FAT3: variants seen among roughly 807,000 people sequenced by gnomAD.
FAT3 encodes FAT atypical cadherin 3, also known as protocadherin Fat 3.
Under a neutral mutation model 310.2 loss-of-function variants are expected in FAT3, and 95 were observed. The observed-to-expected ratio is 0.31, with a 90% CI of 0.26 to 0.36. The LOEUF is 0.36. Among genes scored for constraint, FAT3 ranks in the 10% least tolerant of loss-of-function variants. FAT3 has a pLI of 1.00. For missense variants in FAT3, 5,408 were observed against 5,715.6 expected (o/e 0.95, Z 1.74); for synonymous variants, 2,314 against 2,192.9 (o/e 1.06, Z -1.54).
intron 1 of FAT3, among the ~76,000 whole-genome samples, chr11:92,349,561 T>C (rs1288723320): frequency 3.3e-5 from 5 of 152,174 alleles, no homozygotes; most frequent in Admixed American, 2.6e-4. Flanking sequence ...ACCCCAAATG[T>C]ATCATTTTCT....
chr11:92,257,337 A>C (rs1865356838), intron 1 of FAT3, among the ~76,000 whole-genome samples: 1 of 152,122 alleles, frequency 6.6e-6, no homozygotes, highest in Admixed American at 6.6e-5. Context: ...AAAGCTTTGC[A>C]GTGGTACCAG....
At chr11:92,360,916 C>G (rs1948864707) in intron 2 of FAT3, among the ~76,000 whole-genome samples, 1 of 152,186 alleles carries the variant, frequency 6.6e-6, no homozygotes, top group Non-Finnish European at 1.5e-5. Flanking sequence ...GTAATGGACT[C>G]AAAATTTCAT....
intron 3 of FAT3, among the ~76,000 whole-genome samples, chr11:92,595,890 G>T (rs972535441): frequency 5.9e-5 from 9 of 152,160 alleles, no homozygotes; most frequent in African/African-American, 2.2e-4. Flanking sequence ...GTGCTGTCAT[G>T]CTTGGGATCC....
chr11:92,854,699 G>A (rs1591817999), intron 19 of FAT3, among the ~76,000 whole-genome samples: 1 of 152,236 alleles, frequency 6.6e-6, no homozygotes, highest in East Asian at 1.9e-4. Flanking sequence ...AAATATCTTT[G>A]CTATCATGCA....
intron 2 of FAT3, among the ~76,000 whole-genome samples, chr11:92,491,709 T>C (rs1952602796): frequency 6.6e-6 from 1 of 151,978 alleles, no homozygotes; most frequent in Admixed American, 6.6e-5. Flanking sequence ...ACATTAAGAG[T>C]AGAATTGTAA....
chr11:92,763,847 C>T (rs997738624), intron 5 of FAT3, among the ~76,000 whole-genome samples: 2 of 152,066 alleles, frequency 1.3e-5, no homozygotes, highest in Non-Finnish European at 2.9e-5. Context: ...CTGGGGGAAC[C>T]TGGCTTAAGA....
chr11:92,666,135 G>T (rs1246474062), intron 3 of FAT3, among the ~76,000 whole-genome samples: 1 of 152,020 alleles, frequency 6.6e-6, no homozygotes, highest in Non-Finnish European at 1.5e-5. Flanking sequence ...ATTACCTGTT[G>T]GCAGCTTGCT....
chr11:92,411,989 C>A (rs1950280456), intron 2 of FAT3, among the ~76,000 whole-genome samples: 1 of 151,884 alleles, frequency 6.6e-6, no homozygotes, highest in Non-Finnish European at 1.5e-5. Flanking sequence ...CTGGGCTTTC[C>A]CTAAATTTTT....
At chr11:92,669,037 G>A (rs1156926494) in intron 3 of FAT3, among the ~76,000 whole-genome samples, 1 of 152,158 alleles carries the variant, frequency 6.6e-6, no homozygotes, top group Admixed American at 6.6e-5. Context: ...TAATTTACAA[G>A]ATTACAGGGG....
At position 92,798,480 on chromosome 11, in the gene FAT3, T is replaced by C. The variant is rs776428889; in HGVS notation, c.5467T>C (p.Phe1823Leu). 1 of 1,613,440 alleles carries C rather than the reference T, an allele frequency of 6.2e-7. No individual in the cohort carries two copies. The highest frequency in any genetic ancestry group is 8.5e-7 in the Non-Finnish European group (1 of 1,179,792). The change falls in exon 10 of 28, where the codon TTT becomes CTT. Residue 1823 changes from phenylalanine to leucine, a missense_variant. Around this residue, in one of 5 missense-constraint regions of FAT3, gnomAD observed 4,588 missense variants for 4,809.8 expected, o/e 0.95. Transcript: ENST00000525166. ...YQIVESTAKK[F>L]FTVDSSTGAI... ...GATTGTGGAGTCAACAGCAAAAAAG[T>C]TTTTCACGGTGGACTCCAGTACAGG...
chr11:92,818,973 A>G (rs1591776086), intron 13 of FAT3, among the ~76,000 whole-genome samples: 1 of 152,362 alleles, frequency 6.6e-6, no homozygotes, highest in African/African-American at 2.4e-5. Flanking sequence ...AATATGGCTA[A>G]TAACATCTGC....
chr11:92,834,871 G>A lies in FAT3; in HGVS notation c.9873G>A (p.Gly3291=), dbSNP rs1248002903. 1.9e-6 allele frequency: 3 copies of A among 1,603,444 alleles called. No individual in the cohort carries two copies. The highest frequency in any genetic ancestry group is 1.3e-5 in the African/African-American group (1 of 74,778). ...QGKFKINPKT[G]GISVSEVLDY... is the part of the protein sequence containing the mutation. ...AAAGCTCCCCATTTTTCTTCAAAGG[G>A]GGTATTTCTGTCTCTGAAGTCCTGG... The change falls in exon 15 of 28, where the codon GGG becomes GGA. Residue 3291 remains glycine (G), a splice_region_variant and synonymous_variant. Transcript: ENST00000525166.
intron 2 of FAT3, among the ~76,000 whole-genome samples, chr11:92,362,826 A>G (rs1395100827): frequency 6.6e-6 from 1 of 152,178 alleles, no homozygotes; most frequent in East Asian, 1.9e-4. Context: ...TTTTCTAGCA[A>G]TCTCTACTGC....
intron 2 of FAT3, among the ~76,000 whole-genome samples, chr11:92,455,439 T>A (rs1372598041): frequency 1.3e-5 from 2 of 152,156 alleles, no homozygotes; most frequent in Non-Finnish European, 2.9e-5. Context: ...GGTAATTATG[T>A]TGTTAATTCA....
chr11:92,358,758 T>C (rs1179253803), intron 2 of FAT3, among the ~76,000 whole-genome samples: 1 of 152,136 alleles, frequency 6.6e-6, no homozygotes, highest in Non-Finnish European at 1.5e-5. Flanking sequence ...TTGGTGCCAC[T>C]GAATTTTTAC....
At chr11:92,367,835 AC>A (rs1465247090) in intron 2 of FAT3, among the ~76,000 whole-genome samples, 99 of 152,342 alleles carry the variant, frequency 6.5e-4, no homozygotes, top group African/African-American at 2.3e-3. Context: ...TAACTAGAGC[AC>A]TGAGGTGAGT....
At chr11:92,290,964 A>G (rs1946673896) in intron 1 of FAT3, among the ~76,000 whole-genome samples, 1 of 151,966 alleles carries the variant, frequency 6.6e-6, no homozygotes, top group Admixed American at 6.6e-5. Flanking sequence ...GAAAGGCTTG[A>G]GTTTGCAAAT....
intron 2 of FAT3, among the ~76,000 whole-genome samples, chr11:92,426,854 T>C (rs940451834): frequency 6.6e-6 from 1 of 152,226 alleles, no homozygotes; most frequent in Non-Finnish European, 1.5e-5. Context: ...GTCTTGGCTA[T>C]ACAGGCTCTT....
At chr11:92,245,817 G>C (rs1241980177) in intron 1 of FAT3, among the ~76,000 whole-genome samples, 1 of 152,104 alleles carries the variant, frequency 6.6e-6, no homozygotes, top group African/African-American at 2.4e-5. Flanking sequence ...TTTAGAGTAA[G>C]AAAAGATGAT....
Sources: gnomAD v4.1 joint callset for allele counts (sites outside exome capture counted in the v4.1 genomes callset) on GRCh38, gnomAD v4.1.1 for gene constraint, gnomAD v4.1.1 regional missense constraint, MANE v1.5 for transcripts, NCBI Gene and HGNC (gene_info 2026-07-23, HGNC 2026-07-21) for gene names.